The following ENOX1 variants were observed in gnomAD, a reference collection of about 807,000 sequenced individuals.
ENOX1 encodes the protein candidate growth-related and time keeping constitutive hydroquinone (NADH) oxidase.
Under a neutral mutation model 82.5 loss-of-function variants are expected in ENOX1, and 42 were observed. That is an observed-to-expected ratio of 0.51 (90% confidence interval 0.40 to 0.66). ENOX1 has a LOEUF of 0.66. Among genes scored for constraint, ENOX1 ranks in the 30% least tolerant of loss-of-function variants. The pLI, the probability that ENOX1 is intolerant of heterozygous loss-of-function variation, is 0.00. For missense variants in ENOX1, 608 were observed against 811.6 expected, an observed-to-expected ratio of 0.75 and a Z score of 3.05; for synonymous variants, 271 against 282.2, an observed-to-expected ratio of 0.96 and a Z score of 0.40.
At chr13:43,659,562 G>A (rs2084618177) in intron 2 of ENOX1, among the ~76,000 whole-genome samples, 2 of 151,792 alleles carry the variant, frequency 1.3e-5, no homozygotes, top group South Asian at 4.2e-4. Context: ...GCATGCTTTA[G>A]TTTTTTTCTC....
chr13:43,354,953 C>T (rs1010444977), intron 8 of ENOX1, among the ~76,000 whole-genome samples: 2 of 152,196 alleles, frequency 1.3e-5, no homozygotes, highest in African/African-American at 4.8e-5. Context: ...TTTGCACTGG[C>T]CCCTGAGTCC....
At chr13:43,704,064 C>G (rs963597343) in intron 1 of ENOX1, among the ~76,000 whole-genome samples, 1 of 150,458 alleles carries the variant, frequency 6.6e-6, no homozygotes, top group South Asian at 2.1e-4. Context: ...ATTAAGACAC[C>G]GATAGAGAAA....
chr13:43,687,762 G>A (rs2086151825), intron 1 of ENOX1, among the ~76,000 whole-genome samples: 1 of 152,054 alleles, frequency 6.6e-6, no homozygotes, highest in South Asian at 2.1e-4. Flanking sequence ...GAGAAAGAGA[G>A]ATAAATCATA....
chr13:43,334,176 A>G (rs2048570594), intron 9 of ENOX1, among the ~76,000 whole-genome samples: 1 of 152,214 alleles, frequency 6.6e-6, no homozygotes, highest in Non-Finnish European at 1.5e-5. Flanking sequence ...ACCTCTGATT[A>G]TCTTACCTAA....
chr13:43,236,605 A>G, intron 15 of ENOX1, 31 bp downstream of exon 15: 1 of 1,335,594 alleles, frequency 7.5e-7, no homozygotes, highest in Non-Finnish European at 1.0e-6. Flanking sequence ...ATTATTTAAG[A>G]GAACAGATGA....
At chr13:43,529,868 A>G (rs17064698) in intron 2 of ENOX1, among the ~76,000 whole-genome samples, 4,664 of 150,776 alleles carry the variant, frequency 0.031, 243 homozygotes, top group African/African-American at 0.11. Flanking sequence ...CTAGGCCCCA[A>G]TTATATAAGC....
intron 2 of ENOX1, among the ~76,000 whole-genome samples, chr13:43,541,173 G>GTTTTTTTTTTTGTT (rs2078698274): frequency 1.5e-5 from 1 of 64,574 alleles, no homozygotes; most frequent in African/African-American, 5.0e-5. Flanking sequence ...TCTTCCCTCT[G>GTTTTTTTTTTTGTT]TTTTTTTTTT....
At chr13:43,311,962 C>A (rs1278611751) in intron 11 of ENOX1, among the ~76,000 whole-genome samples, 1 of 152,126 alleles carries the variant, frequency 6.6e-6, no homozygotes, top group African/African-American at 2.4e-5. Flanking sequence ...ATTTCATAAA[C>A]AACTGACTGG....
intron 2 of ENOX1, among the ~76,000 whole-genome samples, chr13:43,645,606 A>C (rs1370882039): frequency 6.6e-6 from 1 of 152,236 alleles, no homozygotes; most frequent in Non-Finnish European, 1.5e-5. Context: ...CTTTCATTAC[A>C]ATATCAATTA....
chr13:43,350,802 CAAT>C (rs1157527849), intron 8 of ENOX1, among the ~76,000 whole-genome samples: 2 of 152,024 alleles, frequency 1.3e-5, no homozygotes, highest in Non-Finnish European at 2.9e-5. Context: ...AATTTCAGAA[CAAT>C]AGATAGGATA....
chr13:43,743,474 G>A (rs1949861879), intron 1 of ENOX1, among the ~76,000 whole-genome samples: 1 of 152,106 alleles, frequency 6.6e-6, no homozygotes, highest in Non-Finnish European at 1.5e-5. Flanking sequence ...TTTCTAATAG[G>A]TCCAGCCCAG....
rs913574313 is a variant in ENOX1 at position 43,356,032 on chromosome 13, C to T, written c.710G>A (p.Arg237Gln). The T allele has an allele frequency of 2.5e-6, 4 of 1,614,050 alleles. No individual in the cohort carries two copies. Among genetic ancestry groups the T allele is most frequent in the East Asian group, 2.2e-5 (1 of 44,878 alleles). ...CAGCTTGCGCCGGTGCCGCTCCTCCCGGGCACGCATCCTCTGCTTGCATTC... is the reference window on the plus strand; with the variant it reads ...CAGCTTGCGCCGGTGCCGCTCCTCCTGGGCACGCATCCTCTGCTTGCATTC... ...EWECKQRMRAREERHRRKLEE... is the reference protein window; with the variant it reads ...EWECKQRMRAQEERHRRKLEE... Residue 237 changes from arginine to glutamine, a missense_variant, in exon 8 of 17, where the codon CGG becomes CAG. Coordinates refer to ENST00000690772, the MANE Select transcript of ENOX1 (RefSeq NM_001347969.2).
intron 8 of ENOX1, among the ~76,000 whole-genome samples, chr13:43,355,001 C>T (rs2050060134): frequency 6.6e-6 from 1 of 152,208 alleles, no homozygotes; most frequent in Admixed American, 6.5e-5. Context: ...GACAATCATG[C>T]CATTGACTTG....
intron 5 of ENOX1, among the ~76,000 whole-genome samples, chr13:43,395,105 C>A (rs1201142194): frequency 7.1e-6 from 1 of 140,984 alleles, no homozygotes. Context: ...AACATTTAAA[C>A]CTTAATCTAC....
At chr13:43,579,112 A>T (rs915438922) in intron 2 of ENOX1, among the ~76,000 whole-genome samples, 17 of 152,018 alleles carry the variant, frequency 1.1e-4, no homozygotes, top group African/African-American at 3.6e-4. Context: ...GCTATGTCAT[A>T]GGGTTGCTTG....
chr13:43,431,652 T>C (rs994774981), intron 3 of ENOX1, among the ~76,000 whole-genome samples: 1 of 152,180 alleles, frequency 6.6e-6, no homozygotes, highest in Non-Finnish European at 1.5e-5. Context: ...CCCTCCCACA[T>C]ACGCAAATTC....
chr13:43,735,943 C>T (rs971448067), intron 1 of ENOX1, among the ~76,000 whole-genome samples: 4 of 152,114 alleles, frequency 2.6e-5, no homozygotes, highest in South Asian at 4.2e-4. Flanking sequence ...GGAAACTTCC[C>T]GTAAAAGTGC....
rs2079864096 is a variant in ENOX1, at chr13:43,565,178, A to T, written c.-218-81026T>A. On this transcript the variant is annotated intron_variant, in intron 2 of 16. Transcript: ENST00000690772. Reference sequence around the variant, plus strand: ...CTGAGGAAGTGATATCTGAGTTGACAGCTGAATGATGAAGCAGAAGATAAG... The same window carrying T: ...CTGAGGAAGTGATATCTGAGTTGACTGCTGAATGATGAAGCAGAAGATAAG... Among the ~76,000 whole-genome samples the T allele has an allele frequency of 2.6e-5, 4 of 152,154 alleles. No individual in the cohort carries two copies. The South Asian group carries it at 8.3e-4, about 31-fold the overall frequency.
intron 9 of ENOX1, among the ~76,000 whole-genome samples, chr13:43,339,651 A>G (rs1566550872): frequency 6.6e-6 from 1 of 152,208 alleles, no homozygotes; most frequent in East Asian, 1.9e-4. Flanking sequence ...ATGGAATGCC[A>G]TGAAGGACGG....
Sources: allele counts gnomAD v4.1 joint callset (sites outside exome capture counted in the v4.1 genomes callset), GRCh38; gene constraint gnomAD v4.1.1; transcripts MANE v1.5; gene names NCBI Gene and HGNC (gene_info 2026-07-23, HGNC 2026-07-21).